SORCS3: variants seen among roughly 807,000 people sequenced by gnomAD.
The protein encoded by SORCS3 is sortilin related VPS10 domain containing receptor 3.
SORCS3 carries 57 observed loss-of-function variants against 146.3 expected under a neutral mutation model. That is an observed-to-expected ratio of 0.39 (90% CI 0.31 to 0.49). The LOEUF is 0.49. Ranked by LOEUF, SORCS3 falls within the 20% of genes least tolerant of loss-of-function variation. The pLI is 0.92. For synonymous variants in SORCS3, 653 were observed against 618.5 expected (o/e 1.06, Z -0.83); for missense variants, 1,341 against 1,575.5 (o/e 0.85, Z 2.52).
At chr10:104,647,357 C>G (rs1326960022) in intron 1 of SORCS3, among the ~76,000 whole-genome samples, 1 of 152,174 alleles carries the variant, frequency 6.6e-6, no homozygotes, top group Non-Finnish European at 1.5e-5. Flanking sequence ...ATTCATAGCT[C>G]AGTTCAACAT....
At position 105,043,046 on chromosome 10, in the gene SORCS3, G is replaced by A. The variant is rs368885423; in HGVS notation, c.955-9G>A. 31 of 1,613,162 alleles carry A rather than the reference G, an allele frequency of 1.9e-5. No homozygotes were observed. The highest frequency in any genetic ancestry group is 1.7e-4 in the African/African-American group (13 of 74,866). On this transcript the variant is annotated splice_polypyrimidine_tract_variant and intron_variant, in intron 4 of 26. Transcript: ENST00000369701. ...TTGAGACTTACATTCTCACTTCATT[G>A]TTTTGCAGCTCTACAGCTCCATGGA...
chr10:104,895,595 T>A (rs1253558289), intron 2 of SORCS3, among the ~76,000 whole-genome samples: 1 of 152,200 alleles, frequency 6.6e-6, no homozygotes, highest in Non-Finnish European at 1.5e-5. Context: ...ACAGCATCTG[T>A]GTCTCAGGGA....
At chr10:105,061,946 A>G (rs1456001706) in intron 5 of SORCS3, among the ~76,000 whole-genome samples, 1 of 152,200 alleles carries the variant, frequency 6.6e-6, no homozygotes, top group African/African-American at 2.4e-5. Context: ...GAAAATTCCC[A>G]GAGAGTGACC....
At chr10:104,694,745 C>T (rs2016153523) in intron 1 of SORCS3, among the ~76,000 whole-genome samples, 1 of 152,148 alleles carries the variant, frequency 6.6e-6, no homozygotes, top group Non-Finnish European at 1.5e-5. Flanking sequence ...GTTTGTCCTT[C>T]AGATACTCCC....
chr10:104,730,844 T>C (rs2016698308), intron 1 of SORCS3, among the ~76,000 whole-genome samples: 1 of 152,104 alleles, frequency 6.6e-6, no homozygotes, highest in Non-Finnish European at 1.5e-5. Flanking sequence ...CCAGAACAGT[T>C]TGGGGGAAAC....
At chr10:105,214,956 T>C (rs936020387) in intron 18 of SORCS3, among the ~76,000 whole-genome samples, 4 of 152,162 alleles carry the variant, frequency 2.6e-5, no homozygotes, top group Admixed American at 6.5e-5. Flanking sequence ...AGGAAGGAAA[T>C]GTGAATTTTA....
chr10:104,800,089 T>C (rs1353744623), intron 1 of SORCS3, among the ~76,000 whole-genome samples: 1 of 152,168 alleles, frequency 6.6e-6, no homozygotes, highest in African/African-American at 2.4e-5. Context: ...CAACCAAGAT[T>C]CCTGTCAGTA....
At chr10:105,037,969 C>T (rs1228175694) in intron 4 of SORCS3, among the ~76,000 whole-genome samples, 1 of 152,182 alleles carries the variant, frequency 6.6e-6, no homozygotes, top group Non-Finnish European at 1.5e-5. Context: ...AATTAGGGAA[C>T]TAATAACGGA....
At chr10:104,647,962 G>A (rs1589446043) in intron 1 of SORCS3, among the ~76,000 whole-genome samples, 1 of 152,294 alleles carries the variant, frequency 6.6e-6, no homozygotes, top group East Asian at 1.9e-4. Flanking sequence ...TAGAAACTGT[G>A]GGGTTGGTAG....
chr10:104,919,232 T>C (rs949144316), intron 3 of SORCS3, among the ~76,000 whole-genome samples: 2 of 152,210 alleles, frequency 1.3e-5, no homozygotes, highest in Non-Finnish European at 2.9e-5. Flanking sequence ...AGGCCTATTT[T>C]GTTGTCTGGT....
At chr10:104,967,132 T>C (rs939415144) in intron 3 of SORCS3, among the ~76,000 whole-genome samples, 2 of 152,076 alleles carry the variant, frequency 1.3e-5, no homozygotes, top group African/African-American at 4.8e-5. Context: ...CCTCATGGGG[T>C]ATAGTCATCC....
At chr10:104,983,520 G>T (rs528859173) in intron 4 of SORCS3, among the ~76,000 whole-genome samples, 14 of 152,234 alleles carry the variant, frequency 9.2e-5, no homozygotes, top group African/African-American at 3.4e-4. Context: ...TTCAGCCATG[G>T]CAGTGTTTTA....
chr10:104,914,133 A>C (rs563401785), intron 2 of SORCS3, among the ~76,000 whole-genome samples: 1 of 152,284 alleles, frequency 6.6e-6, no homozygotes, highest in African/African-American at 2.4e-5. Context: ...ATGGTCATGC[A>C]ACCAGAGAGC....
rs554039333 is a variant in SORCS3, at chr10:105,105,545, G to T, written c.1212+30G>T. ...GTACAGAAAGTGCAGTTGGTGGTAG[G>T]AGGATGCATCGTTGAAGTTGGCTGC... On this transcript the variant is annotated intron_variant, in intron 7 of 26. Transcript: ENST00000369701. 5 of 1,496,424 alleles carry T rather than the reference G, an allele frequency of 3.3e-6. No homozygotes were observed. The Admixed American group carries it at 6.7e-5, about 20-fold the overall frequency. The allele number at this position is 1,496,424 out of a possible 1,614,324, so 92.7% of individuals were successfully genotyped here.
chr10:105,018,600 A>T (rs1216030490), intron 4 of SORCS3, among the ~76,000 whole-genome samples: 2 of 152,214 alleles, frequency 1.3e-5, no homozygotes, highest in African/African-American at 4.8e-5. Flanking sequence ...TCTGAATTAA[A>T]TTGTAAGGTT....
intron 1 of SORCS3, among the ~76,000 whole-genome samples, chr10:104,735,477 T>TTTTTTTTTTTTTTTTTTTTTTTTTA (rs1564671258): frequency 7.0e-6 from 1 of 141,878 alleles, no homozygotes; most frequent in Non-Finnish European, 1.5e-5. Flanking sequence ...TTTTTTTTTT[T>TTTTTTTTTTTTTTTTTTTTTTTTTA]AATCAATCCC....
chr10:104,912,916 A>G (rs1479058951), intron 2 of SORCS3, among the ~76,000 whole-genome samples: 1 of 152,170 alleles, frequency 6.6e-6, no homozygotes, highest in Non-Finnish European at 1.5e-5. Flanking sequence ...TTGGAATTAG[A>G]TGTTGAGGGT....
intron 5 of SORCS3, among the ~76,000 whole-genome samples, chr10:105,053,619 A>G (rs993082299): frequency 4.6e-5 from 7 of 151,938 alleles, no homozygotes; most frequent in Non-Finnish European, 4.4e-5. Flanking sequence ...ATATATTTAA[A>G]TATTTTTCAT....
intron 2 of SORCS3, among the ~76,000 whole-genome samples, chr10:104,876,107 C>T (rs987772631): frequency 5.3e-5 from 8 of 152,256 alleles, no homozygotes; most frequent in Middle Eastern, 6.8e-3. Flanking sequence ...TTAGATCTGA[C>T]ATTCCTTGAG....
Sources: gnomAD v4.1 joint callset for allele counts (sites outside exome capture counted in the v4.1 genomes callset) on GRCh38, gnomAD v4.1.1 for gene constraint, MANE v1.5 for transcripts, NCBI Gene and HGNC (gene_info 2026-07-23, HGNC 2026-07-21) for gene names.